Variants in MAP3K5 observed in about 807,000 individuals in gnomAD.
MAP3K5 encodes the protein mitogen-activated protein kinase kinase kinase 5, also known as ASK-1.
Under a neutral mutation model 158.7 loss-of-function variants are expected in MAP3K5, and 56 were observed. The observed-to-expected ratio is 0.35, with a 90% confidence interval of 0.28 to 0.44. The LOEUF (loss-of-function observed/expected upper bound fraction) is 0.44. MAP3K5 is among the 20% of genes least tolerant of loss of function. MAP3K5 has a pLI of 1.00. For synonymous variants in MAP3K5, 579 were observed against 601.7 expected (o/e 0.96, Z 0.55); for missense variants, 1,294 against 1,674.8 (o/e 0.77, Z 3.97).
At chr6:136,764,830 TA>T (rs1399043492) in intron 1 of MAP3K5, among the ~76,000 whole-genome samples, 1 of 152,210 alleles carries the variant, frequency 6.6e-6, no homozygotes, top group Non-Finnish European at 1.5e-5. Flanking sequence ...AGAGATTATG[TA>T]AGAGGCAGAA....
intron 1 of MAP3K5, among the ~76,000 whole-genome samples, chr6:136,769,012 C>G (rs1454056000): frequency 6.6e-6 from 1 of 152,002 alleles, no homozygotes; most frequent in Non-Finnish European, 1.5e-5. Context: ...TAGATATATA[C>G]TTAAGCAAGC....
intron 18 of MAP3K5, 143 bp downstream of exon 18, chr6:136,611,132 AAAGAAAG>A (rs1776322387): frequency 2.2e-6 from 1 of 457,968 alleles, no homozygotes; most frequent in Non-Finnish European, 3.9e-6. Flanking sequence ...AAAAAAAAAA[AAAGAAAG>A]AAAAGAAAAG....
chr6:136,747,779 T>C (rs1234790702), intron 1 of MAP3K5, among the ~76,000 whole-genome samples: 2 of 152,210 alleles, frequency 1.3e-5, no homozygotes, highest in Non-Finnish European at 2.9e-5. Context: ...ACCCAGTTGA[T>C]GCCCATGCTG....
rs1463684615 is a variant in MAP3K5 at position 136,567,663 on chromosome 6, T to C, written c.3729A>G (p.Val1243=). The C allele has an allele frequency of 6.2e-7, 1 of 1,614,208 alleles. No homozygotes were observed. Among genetic ancestry groups the C allele is most frequent in the Non-Finnish European group, 8.5e-7 (1 of 1,180,036 alleles). ...DSQSAHRSLN[V]QLGRMKIETN... Reference sequence around the variant, plus strand: ...TTTCTATTTTCATCCTTCCAAGCTGTACATTCAGTGACCGGTGAGCACTCT... The same window carrying C: ...TTTCTATTTTCATCCTTCCAAGCTGCACATTCAGTGACCGGTGAGCACTCT... Residue 1243 remains valine (V), a synonymous_variant, in exon 26 of 30, where the codon GTA becomes GTG. Transcript: ENST00000359015.
chr6:136,760,249 A>G (rs1253001017), intron 1 of MAP3K5, among the ~76,000 whole-genome samples: 2 of 152,320 alleles, frequency 1.3e-5, no homozygotes, highest in Non-Finnish European at 2.9e-5. Flanking sequence ...AGTCAGTTAT[A>G]TATATAATTG....
intron 15 of MAP3K5, among the ~76,000 whole-genome samples, chr6:136,622,618 C>G (rs1776856809): frequency 6.6e-6 from 1 of 152,146 alleles, no homozygotes; most frequent in South Asian, 2.1e-4. Flanking sequence ...CAACCTGAGC[C>G]TAACACACAC....
intron 15 of MAP3K5, among the ~76,000 whole-genome samples, chr6:136,615,224 T>A (rs984739188): frequency 1.3e-5 from 2 of 152,206 alleles, no homozygotes; most frequent in Non-Finnish European, 2.9e-5. Flanking sequence ...AGCCAGGCAG[T>A]ATCCAATCAA....
At chr6:136,568,523 T>C (rs1774220726) in intron 25 of MAP3K5, among the ~76,000 whole-genome samples, 1 of 152,146 alleles carries the variant, frequency 6.6e-6, no homozygotes, top group African/African-American at 2.4e-5. Context: ...GAAGTTACAA[T>C]TTTCCAACTT....
intron 7 of MAP3K5, among the ~76,000 whole-genome samples, chr6:136,690,458 G>T (rs1780337424): frequency 6.6e-6 from 1 of 152,074 alleles, no homozygotes; most frequent in Admixed American, 6.6e-5. Flanking sequence ...AGAAATTTAT[G>T]GCACAACCAG....
At chr6:136,595,041 T>C (rs1438130106) in intron 21 of MAP3K5, among the ~76,000 whole-genome samples, 13 of 152,192 alleles carry the variant, frequency 8.5e-5, no homozygotes, top group Admixed American at 2.6e-4. Context: ...CCTGTCACTA[T>C]GGCTCGTTAA....
At chr6:136,614,385 C>T (rs1315779858) in intron 15 of MAP3K5, 99 bp from the exon 16 acceptor site, 18 of 1,379,874 alleles carry the variant, frequency 1.3e-5, no homozygotes, top group Non-Finnish European at 9.9e-6. Flanking sequence ...AATATATGTC[C>T]ATATGTAAAA....
At chr6:136,695,263 G>A (rs531147499) in intron 6 of MAP3K5, among the ~76,000 whole-genome samples, 5 of 152,026 alleles carry the variant, frequency 3.3e-5, no homozygotes, top group South Asian at 2.1e-4. Flanking sequence ...TCAGCCTCCC[G>A]AGTAGCCGGA....
intron 11 of MAP3K5, among the ~76,000 whole-genome samples, chr6:136,650,437 C>T (rs1174646304): frequency 1.1e-4 from 16 of 152,154 alleles, no homozygotes; most frequent in Admixed American, 1.0e-3. Context: ...CTGCTATGAG[C>T]GGAAGTGAGA....
At chr6:136,600,939 T>C in intron 21 of MAP3K5, 83 bp downstream of exon 21, 1 of 1,403,378 alleles carries the variant, frequency 7.1e-7, no homozygotes, top group Non-Finnish European at 1.0e-6. Flanking sequence ...GAGCAGAGCA[T>C]GAGGCTACTT....
chr6:136,740,897 G>A (rs376904365), intron 1 of MAP3K5, among the ~76,000 whole-genome samples: 6 of 152,314 alleles, frequency 3.9e-5, no homozygotes, highest in Admixed American at 1.3e-4. Flanking sequence ...TGCTCTGTAC[G>A]AGAGCTAGAT....
chr6:136,742,731 G>A (rs944684387), intron 1 of MAP3K5, among the ~76,000 whole-genome samples: 1 of 152,132 alleles, frequency 6.6e-6, no homozygotes, highest in African/African-American at 2.4e-5. Context: ...CAGACTGAGA[G>A]AATATATTTG....
At chr6:136,657,083 T>C (rs1330800724) in intron 9 of MAP3K5, among the ~76,000 whole-genome samples, 1 of 152,230 alleles carries the variant, frequency 6.6e-6, no homozygotes, top group Non-Finnish European at 1.5e-5. Flanking sequence ...GTATATTCTA[T>C]TCAAGGAAGC....
In MAP3K5 at chr6:136,567,651, C is replaced by T; in HGVS notation, c.3741G>A (p.Arg1247=). The change falls in exon 26 of 30, where the codon AGG becomes AGA. Residue 1247 remains arginine (R), a synonymous_variant. Coordinates refer to ENST00000359015, the MANE Select transcript of MAP3K5 (RefSeq NM_005923.4). ...CTTACCTATTGGTTTCTATTTTCAT[C>T]CTTCCAAGCTGTACATTCAGTGACC... ...AHRSLNVQLG[R]MKIETNRLLE... is the part of the protein sequence containing the mutation. 2 of 1,613,760 alleles carry T rather than the reference C, an allele frequency of 1.2e-6. No individual in the cohort carries two copies. The highest frequency in any genetic ancestry group is 1.1e-5 in the South Asian group (1 of 91,014).
chr6:136,579,174 T>C (rs1351329294), intron 25 of MAP3K5, among the ~76,000 whole-genome samples: 1 of 152,132 alleles, frequency 6.6e-6, no homozygotes, highest in African/African-American at 2.4e-5. Context: ...CATGTAACAA[T>C]TGGTCAACTG....
Sources: gnomAD v4.1 joint callset for allele counts (sites outside exome capture counted in the v4.1 genomes callset) on GRCh38, gnomAD v4.1.1 for gene constraint, MANE v1.5 for transcripts, NCBI Gene and HGNC (gene_info 2026-07-23, HGNC 2026-07-21) for gene names.